AFAP1: variants seen among roughly 807,000 people sequenced by gnomAD.
AFAP1 encodes the protein actin filament associated protein 1, also known as actin filament-associated protein 1.
In AFAP1, 75 loss-of-function variants were observed where a neutral mutation model predicts 93.9. The observed-to-expected ratio is 0.80, with a 90% CI of 0.66 to 0.97. AFAP1 has a LOEUF of 0.97. Among genes scored for constraint, AFAP1 ranks in the 50% least tolerant of loss-of-function variants. AFAP1 has a pLI of 0.00. For missense variants in AFAP1, 1,201 were observed against 1,050.8 expected, an observed-to-expected ratio of 1.14 and a Z score of -1.98; for synonymous variants, 517 against 430.7, an observed-to-expected ratio of 1.20 and a Z score of -2.48.
At chr4:7,888,177 C>G (rs542518827) in intron 1 of AFAP1, among the ~76,000 whole-genome samples, 24 of 152,340 alleles carry the variant, frequency 1.6e-4, no homozygotes, top group African/African-American at 5.8e-4. Context: ...AACACAAAAA[C>G]TTGGATTTTC....
chr4:7,763,733 A>G lies in AFAP1; in HGVS notation c.*32T>C, dbSNP rs769313392. 6.4e-7 allele frequency: 1 copy of G among 1,551,542 alleles called. No homozygotes were observed. Among genetic ancestry groups the G allele is most frequent in the South Asian group, 1.2e-5 (1 of 84,046 alleles). On this transcript the variant is annotated 3_prime_UTR_variant, in exon 18 of 18. Transcript: ENST00000420658. ...TGAGGATACAGGCAAGGGGGTGTGC[A>G]GTCTCTGAGGCTGGAGTGGTGCTGC...
intron 2 of AFAP1, among the ~76,000 whole-genome samples, chr4:7,871,368 G>C (rs936315512): frequency 2.0e-5 from 3 of 152,212 alleles, no homozygotes; most frequent in Admixed American, 1.3e-4. Flanking sequence ...AACCCTGCCT[G>C]TCCTGGAATT....
intron 1 of AFAP1, among the ~76,000 whole-genome samples, chr4:7,923,783 G>A (rs995151650): frequency 6.6e-6 from 1 of 152,058 alleles, no homozygotes; most frequent in Admixed American, 6.6e-5. Flanking sequence ...CTTCTTCTAA[G>A]GCCACTGATC....
intron 5 of AFAP1, among the ~76,000 whole-genome samples, chr4:7,841,063 G>A (rs1165969943): frequency 6.6e-6 from 1 of 152,238 alleles, no homozygotes; most frequent in African/African-American, 2.4e-5. Flanking sequence ...AATAGGGACA[G>A]GCTGCAATCT....
Position 7,809,748 on chromosome 4 carries a change from C to T in AFAP1, c.920G>A (p.Ser307Asn), listed in dbSNP as rs1176042550. 2 of 1,613,414 alleles carry T rather than the reference C, an allele frequency of 1.2e-6. No homozygotes were observed. The highest frequency in any genetic ancestry group is 2.7e-5 in the African/African-American group (2 of 74,850). ...AGTGCCCTTGGCCTCTGATTTGGAACTTTTCTTCCTCTTCACTGTCAAGAG... is the reference window on the plus strand; with the variant it reads ...AGTGCCCTTGGCCTCTGATTTGGAATTTTTCTTCCTCTTCACTGTCAAGAG... ...NGKEQVKRKKSSKSEAKGTVS... is the reference protein window; with the variant it reads ...NGKEQVKRKKNSKSEAKGTVS... Residue 307 changes from serine (S) to asparagine (N), a missense_variant, in exon 9 of 18, where the codon AGT becomes AAT. Transcript: ENST00000420658.
At position 7,843,065 on chromosome 4, in the gene AFAP1, T is replaced by C. The variant is rs28703020; in HGVS notation, c.546+74A>G. On this transcript the variant is annotated intron_variant, in intron 5 of 17. Coordinates refer to ENST00000420658, the MANE Select transcript of AFAP1 (RefSeq NM_001134647.2). ...CTTCCTGCACAGCTGATGTTAATGG[T>C]GACTGGATATAAACGCCATGGCTTC... 2.3e-5 allele frequency: 34 copies of C among 1,497,190 alleles called. No homozygotes were observed. In the African/African-American group the frequency reaches 4.5e-4, roughly 20 times the overall value. The allele number at this position is 1,497,190 out of a possible 1,614,324, so 92.7% of individuals were successfully genotyped here.
intron 1 of AFAP1, among the ~76,000 whole-genome samples, chr4:7,885,829 T>C (rs545580090): frequency 1.3e-5 from 2 of 152,296 alleles, no homozygotes; most frequent in South Asian, 4.1e-4. Flanking sequence ...GAATTCCTTT[T>C]CTCGAGCAAG....
rs553703060 is a variant in AFAP1 at position 7,802,313 on chromosome 4, G to A, written c.1055-1660C>T. Among the ~76,000 whole-genome samples the A allele has an allele frequency of 3.3e-5, 5 of 152,338 alleles. No homozygotes were observed. The East Asian group carries it at 7.7e-4, about 23-fold the overall frequency. ...AGGCTCCAAGGCCTGTGCCGTGGCC[G>A]CCCTCTTGTGTTCAGAGAGCAAACT... On this transcript the variant is annotated intron_variant, in intron 9 of 17. Transcript: ENST00000420658.
intron 14 of AFAP1, chr4:7,778,257 A>G (rs1469602158): frequency 5.8e-6 from 1 of 172,534 alleles, no homozygotes; most frequent in Non-Finnish European, 1.2e-5. Context: ...CTTGCTGTGG[A>G]CCACAGGCAC....
chr4:7,842,280 C>T, intron 5 of AFAP1, among the ~76,000 whole-genome samples: 1 of 49,778 alleles, frequency 2.0e-5, no homozygotes, highest in South Asian at 5.3e-4. Context: ...TCCCACAATT[C>T]AAAGATGAAA....
At chr4:7,801,357 C>T (rs192911013) in intron 9 of AFAP1, among the ~76,000 whole-genome samples, 76 of 152,100 alleles carry the variant, frequency 5.0e-4, no homozygotes, top group African/African-American at 1.6e-3. Flanking sequence ...ATCCGTGTCT[C>T]TGGTATGGCA....
intron 6 of AFAP1, among the ~76,000 whole-genome samples, chr4:7,831,289 C>T (rs1293894355): frequency 6.6e-6 from 1 of 151,008 alleles, no homozygotes; most frequent in Non-Finnish European, 1.5e-5. Context: ...CTGGAAGTAA[C>T]ATCACAGACA....
intron 1 of AFAP1, among the ~76,000 whole-genome samples, chr4:7,918,379 A>G (rs1349089643): frequency 4.1e-5 from 6 of 144,656 alleles, no homozygotes; most frequent in Non-Finnish European, 7.5e-5. Context: ...ACCAGGAAAC[A>G]GGGCTGCCGG....
chr4:7,801,213 G>C (rs1357730252), intron 9 of AFAP1, among the ~76,000 whole-genome samples: 4 of 152,198 alleles, frequency 2.6e-5, no homozygotes, highest in Admixed American at 6.5e-5. Flanking sequence ...GATGGCAGAG[G>C]CCCTGAGTGC....
intron 1 of AFAP1, among the ~76,000 whole-genome samples, chr4:7,915,148 T>C (rs1720015329): frequency 6.6e-6 from 1 of 152,222 alleles, no homozygotes; most frequent in African/African-American, 2.4e-5. Context: ...CCTCCCAAAG[T>C]GCTGGGATGT....
chr4:7,808,765 G>A (rs936001226), intron 9 of AFAP1, among the ~76,000 whole-genome samples: 1 of 152,102 alleles, frequency 6.6e-6, no homozygotes, highest in Non-Finnish European at 1.5e-5. Context: ...GTAGTAATGA[G>A]GGAGTTCTCA....
chr4:7,811,636 C>T (rs932434172), intron 8 of AFAP1, among the ~76,000 whole-genome samples: 2 of 152,128 alleles, frequency 1.3e-5, no homozygotes, highest in Non-Finnish European at 2.9e-5. Context: ...GGTCCTATAG[C>T]GTTAGTGCCC....
intron 14 of AFAP1, chr4:7,776,379 T>C (rs183994574): frequency 6.6e-6 from 1 of 151,868 alleles, no homozygotes; most frequent in Admixed American, 6.5e-5. Flanking sequence ...GAATCCTGTG[T>C]GTGTGTATGT....
chr4:7,771,626 T>C (rs1037477305), intron 16 of AFAP1, among the ~76,000 whole-genome samples: 31 of 152,138 alleles, frequency 2.0e-4, no homozygotes, highest in African/African-American at 7.5e-4. Context: ...GCAGCGACCG[T>C]TATTATTTAC....
Sources: allele counts gnomAD v4.1 joint callset (sites outside exome capture counted in the v4.1 genomes callset), GRCh38; gene constraint gnomAD v4.1.1; transcripts MANE v1.5; gene names NCBI Gene and HGNC (gene_info 2026-07-23, HGNC 2026-07-21).